The following PGR variants were observed in gnomAD, a reference collection of about 807,000 sequenced individuals.
The protein encoded by PGR is nuclear receptor subfamily 3 group C member 3.
In PGR, 25 loss-of-function variants were observed where a neutral mutation model predicts 76.1. The ratio of observed to expected loss-of-function variants is 0.33; its 90% CI spans 0.24 to 0.46. The LOEUF is 0.46. Among genes scored for constraint, PGR ranks in the 20% least tolerant of loss-of-function variants. The probability of loss-of-function intolerance (pLI) is 1.00; values close to 1 mark genes in which losing one functional copy is unlikely to be tolerated. For synonymous variants in PGR, 579 were observed against 535.0 expected (o/e 1.08, Z -1.14); for missense variants, 1,172 against 1,225.3 (o/e 0.96, Z 0.65).
intron 4 of PGR, among the ~76,000 whole-genome samples, chr11:101,059,708 T>G (rs961651352): frequency 2.0e-4 from 30 of 151,498 alleles, no homozygotes. Context: ...AGGTGGCGCA[T>G]GCCTGTAGTC....
chr11:101,109,821 TAGG>T (rs1324406582), intron 2 of PGR, among the ~76,000 whole-genome samples: 4 of 152,204 alleles, frequency 2.6e-5, no homozygotes, highest in African/African-American at 9.6e-5. Flanking sequence ...CAGAGCTAGA[TAGG>T]AGAAGTCAAT....
chr11:101,083,118 C>T (rs1176542155), intron 3 of PGR, among the ~76,000 whole-genome samples: 1 of 152,232 alleles, frequency 6.6e-6, no homozygotes, highest in East Asian at 1.9e-4. Flanking sequence ...GCTGCTCCAG[C>T]TCCAGCTGTT....
At chr11:101,094,502 A>C (rs1181053259) in intron 2 of PGR, among the ~76,000 whole-genome samples, 1 of 151,892 alleles carries the variant, frequency 6.6e-6, no homozygotes, top group East Asian at 1.9e-4. Flanking sequence ...CTTATTCCTT[A>C]TATGTGGTGT....
rs1475709103 is a variant in PGR at position 101,033,781 on chromosome 11, A to G, written c.*5335T>C. ...ATTCATAACAGTAAAAATGCAGATT[A>G]GTAAACGTCATAGACAAAGAGATCA... On this transcript the variant is annotated 3_prime_UTR_variant, in exon 8 of 8. Coordinates refer to ENST00000325455, the MANE Select transcript of PGR (RefSeq NM_000926.4). The G allele has an allele frequency of 1.4e-5, 3 of 207,572 alleles. No individual in the cohort carries two copies. Among genetic ancestry groups the G allele is most frequent in the African/African-American group, 6.8e-5 (3 of 44,026 alleles). 12.9% of individuals were successfully genotyped at this position (207,572 alleles called of 1,614,324 possible).
intron 3 of PGR, among the ~76,000 whole-genome samples, chr11:101,089,249 T>C (rs770842480): frequency 1.4e-4 from 21 of 152,234 alleles, no homozygotes; most frequent in Non-Finnish European, 2.5e-4. Flanking sequence ...TCCCAGAGTT[T>C]AACACATAAT....
At chr11:101,094,286 T>C (rs1861767705) in intron 2 of PGR, among the ~76,000 whole-genome samples, 1 of 152,262 alleles carries the variant, frequency 6.6e-6, no homozygotes, top group Non-Finnish European at 1.5e-5. Context: ...GTATATTCAC[T>C]ATTCTTATAA....
intron 4 of PGR, among the ~76,000 whole-genome samples, chr11:101,052,088 G>A (rs950964232): frequency 6.6e-6 from 1 of 152,090 alleles, no homozygotes. Context: ...AGTTCTTTGG[G>A]ATTTAAACAT....
intron 3 of PGR, among the ~76,000 whole-genome samples, chr11:101,073,066 A>T (rs1861000244): frequency 6.6e-6 from 1 of 152,198 alleles, no homozygotes; most frequent in Non-Finnish European, 1.5e-5. Flanking sequence ...TTGACCACAT[A>T]ATTGGAAGTA....
chr11:101,031,227 A>G lies in PGR; in HGVS notation c.*7889T>C, dbSNP rs551746158. The G allele has an allele frequency of 7.2e-5, 16 of 221,498 alleles. No individual in the cohort carries two copies. The highest frequency in any genetic ancestry group is 3.3e-4 in the African/African-American group (15 of 44,812). 13.7% of individuals were successfully genotyped at this position (221,498 alleles called of 1,614,324 possible). A position where few individuals can be genotyped will look rare whatever the true frequency, so the allele number is the denominator to read the frequency against. On this transcript the variant is annotated 3_prime_UTR_variant, in exon 8 of 8. Transcript: ENST00000325455. ...CAGTGCTGAAGCTGAAAGAATAGAT[A>G]AATTCACAAGCCAAAGACTTAAATA...
In PGR at chr11:101,128,126, T is replaced by G. The variant is rs759326627; in HGVS notation, c.945A>C (p.Leu315Phe). ...GCAGCTGCCGAGTGCGGGCTGCCAA[T>G]AAGGCGTGATTGAGAGGCAGGATAG... Reference protein sequence around the residue: ...HVPILPLNHALLAARTRQLLE... With the variant: ...HVPILPLNHAFLAARTRQLLE... The change falls in exon 1 of 8, where the codon TTA (leucine) becomes TTC (phenylalanine). Residue 315 changes from leucine (L) to phenylalanine (F), a missense_variant. Leu to Phe is a conservative substitution (Grantham distance 22). This residue lies in a region of PGR where 893 missense variants were observed against 785.9 expected (regional missense o/e 1.14). Coordinates refer to ENST00000325455, the MANE Select transcript of PGR (RefSeq NM_000926.4). 4.4e-6 allele frequency: 7 copies of G among 1,598,454 alleles called. No individual in the cohort carries two copies. The highest frequency in any genetic ancestry group is 5.9e-6 in the Non-Finnish European group (7 of 1,179,724).
At chr11:101,103,131 G>A (rs1862047155) in intron 2 of PGR, among the ~76,000 whole-genome samples, 1 of 151,634 alleles carries the variant, frequency 6.6e-6, no homozygotes. Context: ...TAAAATGGCA[G>A]GAGAAATGAT....
In PGR at chr11:101,052,067, C is replaced by T. The variant is rs138474361; in HGVS notation, c.2213-499G>A. Among the ~76,000 whole-genome samples the T allele has an allele frequency of 6.1e-3, 933 of 152,150 alleles. 4 individuals carry two copies. The highest frequency in any genetic ancestry group is 0.017 in the Middle Eastern group (5 of 294). ...ATGCCTGAATGGAATATAATCAGTTCGTTAAATCTCAGTTCTTTGGGATTT... is the reference window on the plus strand; with the variant it reads ...ATGCCTGAATGGAATATAATCAGTTTGTTAAATCTCAGTTCTTTGGGATTT... On this transcript the variant is annotated intron_variant, in intron 4 of 7. Transcript: ENST00000325455.
intron 3 of PGR, among the ~76,000 whole-genome samples, chr11:101,083,837 C>T (rs1436962955): frequency 1.3e-5 from 2 of 152,134 alleles, no homozygotes; most frequent in African/African-American, 4.8e-5. Context: ...TGCCTTGTCT[C>T]AGACGAGACT....
intron 2 of PGR, 102 bp downstream of exon 2, chr11:101,125,905 C>A (rs1241391732): frequency 4.1e-6 from 4 of 986,492 alleles, no homozygotes; most frequent in East Asian, 5.1e-5. Flanking sequence ...GAAATATCAC[C>A]ATTTCTTATA....
chr11:101,048,025 T>G (rs772604536), intron 6 of PGR, among the ~76,000 whole-genome samples: 2 of 152,182 alleles, frequency 1.3e-5, no homozygotes, highest in South Asian at 4.1e-4. Context: ...TGATGTATGA[T>G]AGTTTCAGAT....
intron 3 of PGR, among the ~76,000 whole-genome samples, chr11:101,071,138 A>G (rs1027668647): frequency 7.9e-5 from 12 of 152,156 alleles, no homozygotes; most frequent in African/African-American, 2.2e-4. Flanking sequence ...ACAGGCAGCA[A>G]TCTTTGCTGT....
rs1376304035 is a variant in PGR at position 101,062,399 on chromosome 11, A to T, written c.2212+48T>A. On this transcript the variant is annotated intron_variant, in intron 4 of 7. Coordinates refer to ENST00000325455, the MANE Select transcript of PGR (RefSeq NM_000926.4). ...TATTTAACAATGTACTAATACAACAAACATAGTATATTTTTTATTACATGC... is the reference window on the plus strand; with the variant it reads ...TATTTAACAATGTACTAATACAACATACATAGTATATTTTTTATTACATGC... The T allele has an allele frequency of 2.2e-6, 3 of 1,379,078 alleles. No individual in the cohort carries two copies. The Admixed American group carries it at 5.1e-5, about 23-fold the overall frequency. 85.4% of individuals were successfully genotyped at this position (1,379,078 alleles called of 1,614,324 possible).
chr11:101,044,161 C>T (rs1232817412), intron 6 of PGR, among the ~76,000 whole-genome samples: 1 of 152,206 alleles, frequency 6.6e-6, no homozygotes, highest in African/African-American at 2.4e-5. Flanking sequence ...TGTTTTTTAG[C>T]ACAGCTACTT....
intron 7 of PGR, among the ~76,000 whole-genome samples, chr11:101,039,600 C>A (rs1311119431): frequency 6.6e-6 from 1 of 151,914 alleles, no homozygotes; most frequent in Admixed American, 6.6e-5. Flanking sequence ...CATACCCAAG[C>A]ATACACACAA....
Sources: gnomAD v4.1 joint callset for allele counts (sites outside exome capture counted in the v4.1 genomes callset) on GRCh38, gnomAD v4.1.1 for gene constraint, gnomAD v4.1.1 regional missense constraint, MANE v1.5 for transcripts, NCBI Gene and HGNC (gene_info 2026-07-23, HGNC 2026-07-21) for gene names.